ARHGAP12: variants seen among roughly 807,000 people sequenced by gnomAD.
ARHGAP12 encodes the protein Rho GTPase activating protein 12, also known as rho GTPase-activating protein 12.
ARHGAP12 carries 64 observed loss-of-function variants against 108.6 expected under a neutral mutation model. The ratio of observed to expected loss-of-function variants is 0.59; its 90% CI spans 0.48 to 0.73. The LOEUF (loss-of-function observed/expected upper bound fraction) is 0.73. ARHGAP12 is among the 30% of genes least tolerant of loss of function. The pLI is 0.00. For missense variants in ARHGAP12, 940 were observed against 1,005.9 expected (o/e 0.93, Z 0.89); for synonymous variants, 312 against 337.2 (o/e 0.93, Z 0.82).
At chr10:31,919,968 T>G (rs1592386513) in intron 1 of ARHGAP12, among the ~76,000 whole-genome samples, 1 of 149,452 alleles carries the variant, frequency 6.7e-6, no homozygotes, top group Middle Eastern at 3.5e-3. Context: ...ATACAAAAAT[T>G]AGCTGGCCAT....
At position 31,877,058 on chromosome 10, in the gene ARHGAP12, G is replaced by A. The variant is rs114716992; in HGVS notation, c.685-15400C>T. On this transcript the variant is annotated intron_variant, in intron 3 of 19. Transcript: ENST00000344936. The stretch of plus-strand genomic sequence containing the variant: ...CCAAATGCTTGTTCTTTTTCATCAG[G>A]CATCTCAATATCCCAAGGAGAAATC... Among the ~76,000 whole-genome samples, 360 of 152,210 alleles carry A rather than the reference G, an allele frequency of 2.4e-3. 1 individual carries two copies. The highest frequency in any genetic ancestry group is 8.1e-3 in the African/African-American group (337 of 41,526).
At chr10:31,863,855 G>A (rs1837224826) in intron 3 of ARHGAP12, among the ~76,000 whole-genome samples, 1 of 151,850 alleles carries the variant, frequency 6.6e-6, no homozygotes, top group Non-Finnish European at 1.5e-5. Flanking sequence ...AGCAAGATAG[G>A]AACAGGTGAC....
intron 3 of ARHGAP12, among the ~76,000 whole-genome samples, chr10:31,877,335 A>G (rs1001199785): frequency 3.3e-5 from 5 of 152,258 alleles, no homozygotes; most frequent in Admixed American, 3.3e-4. Flanking sequence ...CTATGTATCA[A>G]TAAAAATATA....
At chr10:31,905,295 T>G (rs1839087909) in intron 3 of ARHGAP12, among the ~76,000 whole-genome samples, 1 of 151,992 alleles carries the variant, frequency 6.6e-6, no homozygotes, top group South Asian at 2.1e-4. Context: ...GAGGTCTCAC[T>G]ATGTCACTCA....
At chr10:31,920,034 A>G (rs564942223) in intron 1 of ARHGAP12, among the ~76,000 whole-genome samples, 15 of 150,398 alleles carry the variant, frequency 1.0e-4, no homozygotes, top group Middle Eastern at 6.9e-3. Flanking sequence ...TGAACCTGGG[A>G]GGCGGAGGTT....
intron 4 of ARHGAP12, among the ~76,000 whole-genome samples, chr10:31,861,011 C>A (rs1036700353): frequency 6.6e-6 from 1 of 152,212 alleles, no homozygotes; most frequent in Non-Finnish European, 1.5e-5. Flanking sequence ...GATATCATTG[C>A]ACCAGGGCTC....
chr10:31,878,550 G>A (rs568750214), intron 3 of ARHGAP12, among the ~76,000 whole-genome samples: 5 of 152,258 alleles, frequency 3.3e-5, no homozygotes, highest in African/African-American at 1.2e-4. Flanking sequence ...TTAAAATGAG[G>A]CAAAAAGTGT....
intron 3 of ARHGAP12, among the ~76,000 whole-genome samples, chr10:31,866,885 T>C (rs1317967694): frequency 6.6e-6 from 1 of 152,116 alleles, no homozygotes; most frequent in Non-Finnish European, 1.5e-5. Context: ...CCCAAAATGC[T>C]GGGATTAACA....
chr10:31,861,698 T>C (rs1395331984), intron 3 of ARHGAP12, 40 bp from the exon 4 acceptor site: 5 of 1,534,160 alleles, frequency 3.3e-6, no homozygotes, highest in Non-Finnish European at 4.4e-6. Context: ...TTTAAACTGG[T>C]ATAACATTTA....
At chr10:31,817,042 A>G (rs970083241) in intron 13 of ARHGAP12, among the ~76,000 whole-genome samples, 6 of 152,110 alleles carry the variant, frequency 3.9e-5, no homozygotes, top group Non-Finnish European at 5.9e-5. Context: ...TGAAAAGGAG[A>G]ATACAGAGTA....
intron 3 of ARHGAP12, among the ~76,000 whole-genome samples, chr10:31,864,414 A>G (rs1219782143): frequency 6.6e-6 from 1 of 152,206 alleles, no homozygotes; most frequent in Non-Finnish European, 1.5e-5. Flanking sequence ...TTAAACTTCA[A>G]TAGATAAACC....
chr10:31,837,736 G>GT (rs1380428937), intron 9 of ARHGAP12, among the ~76,000 whole-genome samples: 2 of 152,100 alleles, frequency 1.3e-5, no homozygotes, highest in East Asian at 3.9e-4. Context: ...AAATGAAACA[G>GT]TATCTGTGAA....
At chr10:31,814,434 C>T in intron 13 of ARHGAP12, 73 bp from the exon 14 acceptor site, 2 of 1,213,702 alleles carry the variant, frequency 1.6e-6, no homozygotes, top group Non-Finnish European at 2.4e-6. Context: ...ATAATTCTCA[C>T]AATGACTATT....
chr10:31,882,415 A>G (rs1168993497), intron 3 of ARHGAP12, among the ~76,000 whole-genome samples: 1 of 152,232 alleles, frequency 6.6e-6, no homozygotes, highest in Non-Finnish European at 1.5e-5. Context: ...GTAAAAAATC[A>G]TGACTGAAAA....
At chr10:31,906,021 G>A (rs1303978953) in intron 3 of ARHGAP12, among the ~76,000 whole-genome samples, 3 of 152,074 alleles carry the variant, frequency 2.0e-5, no homozygotes, top group African/African-American at 7.3e-5. Flanking sequence ...GGATATGACA[G>A]TGGGCAATTT....
chr10:31,823,577 C>T (rs543602350), intron 11 of ARHGAP12, among the ~76,000 whole-genome samples: 43 of 152,158 alleles, frequency 2.8e-4, no homozygotes, highest in African/African-American at 1.0e-3. Flanking sequence ...TGAGTACCTG[C>T]CCTGGAGTGA....
At chr10:31,877,165 G>A (rs1837762723) in intron 3 of ARHGAP12, among the ~76,000 whole-genome samples, 1 of 152,170 alleles carries the variant, frequency 6.6e-6, no homozygotes, top group Non-Finnish European at 1.5e-5. Context: ...TTCCTTTTGG[G>A]ACGCTGTTGC....
chr10:31,834,611 T>G (rs1835944797), intron 9 of ARHGAP12, among the ~76,000 whole-genome samples: 1 of 152,188 alleles, frequency 6.6e-6, no homozygotes, highest in African/African-American at 2.4e-5. Context: ...TTGTGTATTT[T>G]TTATTACTTT....
intron 12 of ARHGAP12, 59 bp from the exon 13 acceptor site, chr10:31,817,945 C>T (rs1835269507): frequency 8.3e-7 from 1 of 1,203,856 alleles, no homozygotes; most frequent in Non-Finnish European, 1.2e-6. Flanking sequence ...CAGCAAAATA[C>T]ATGAATACCT....
Sources: gnomAD v4.1 joint callset for allele counts (sites outside exome capture counted in the v4.1 genomes callset) on GRCh38, gnomAD v4.1.1 for gene constraint, MANE v1.5 for transcripts, NCBI Gene and HGNC (gene_info 2026-07-23, HGNC 2026-07-21) for gene names.